RASA3: variants seen among roughly 807,000 people sequenced by gnomAD.
The protein encoded by RASA3 is RAS p21 protein activator 3.
A neutral mutation model predicts 110.0 loss-of-function variants in RASA3; 73 were observed. The ratio of observed to expected loss-of-function variants is 0.66; its 90% CI spans 0.55 to 0.81. The LOEUF (loss-of-function observed/expected upper bound fraction) is 0.81, where lower values mean the gene tolerates loss of function less well. RASA3 is among the 30% of genes least tolerant of loss of function. The pLI is 0.00. For synonymous variants in RASA3, 500 were observed against 451.4 expected, an observed-to-expected ratio of 1.11 and a Z score of -1.37; for missense variants, 976 against 1,113.2, an observed-to-expected ratio of 0.88 and a Z score of 1.75.
At chr13:114,058,169 T>A (rs1000669274) in intron 2 of RASA3, among the ~76,000 whole-genome samples, 2 of 150,556 alleles carry the variant, frequency 1.3e-5, no homozygotes, top group African/African-American at 4.9e-5. Flanking sequence ...GAATGGCAGG[T>A]TTGTACCTGC....
intron 1 of RASA3, among the ~76,000 whole-genome samples, chr13:114,074,990 A>G (rs2079643903): frequency 6.6e-6 from 1 of 152,156 alleles, no homozygotes; most frequent in Admixed American, 6.5e-5. Context: ...AAACGCCTCA[A>G]ACACACTCGC....
At chr13:114,041,125 G>A (rs372764736) in intron 3 of RASA3, 31 bp from the exon 4 acceptor site, 19 of 1,590,580 alleles carry the variant, frequency 1.2e-5, no homozygotes, top group Middle Eastern at 3.3e-4. Context: ...ACTTCACCAC[G>A]GGCACAGGCC....
At chr13:114,010,226 C>A (rs900985320) in intron 16 of RASA3, among the ~76,000 whole-genome samples, 3 of 152,166 alleles carry the variant, frequency 2.0e-5, no homozygotes, top group Non-Finnish European at 4.4e-5. Flanking sequence ...CCAGTGGGGG[C>A]CTCTGCTCCC....
At chr13:114,054,494 G>A (rs2079204508) in intron 2 of RASA3, among the ~76,000 whole-genome samples, 1 of 152,080 alleles carries the variant, frequency 6.6e-6, no homozygotes, top group African/African-American at 2.4e-5. Flanking sequence ...CAGGTGGGAG[G>A]GGTCCAGAGT....
At chr13:114,075,159 T>C (rs2079647503) in intron 1 of RASA3, among the ~76,000 whole-genome samples, 1 of 152,202 alleles carries the variant, frequency 6.6e-6, no homozygotes, top group South Asian at 2.1e-4. Flanking sequence ...CATCACCTTA[T>C]TCTTGTTGAA....
intron 4 of RASA3, among the ~76,000 whole-genome samples, chr13:114,039,630 C>G (rs1270099345): frequency 6.6e-6 from 1 of 152,244 alleles, no homozygotes; most frequent in African/African-American, 2.4e-5. Context: ...CAGACCAGGG[C>G]TCAGGGTGAC....
chr13:114,046,827 G>T (rs1483064053), intron 3 of RASA3, among the ~76,000 whole-genome samples: 1 of 152,220 alleles, frequency 6.6e-6, no homozygotes, highest in South Asian at 2.1e-4. Context: ...AGTCATCAAC[G>T]GAGGAAGGGT....
In RASA3 at chr13:114,027,437, C is replaced by T. The variant is rs764301513; in HGVS notation, c.555G>A (p.Val185=). The change falls in exon 7 of 24, where the codon GTG becomes GTA. Residue 185 remains valine (V), a synonymous_variant. Transcript: ENST00000334062. The part of the protein sequence containing the change: ...PFRSEAKKTK[V]KRKTNNPQFD... ...ACTGGGGATTGTTGGTCTTCCTCTT[C>T]ACTTTCGTCTTCTTTGCTTCTGATC... is the stretch of plus-strand genomic sequence containing the variant. 1 of 1,613,118 alleles carries T rather than the reference C, an allele frequency of 6.2e-7. No individual in the cohort carries two copies. Among genetic ancestry groups the T allele is most frequent in the East Asian group, 2.2e-5 (1 of 44,900 alleles).
At chr13:114,012,588 ACACACTC>A (rs1430691726) in intron 15 of RASA3, among the ~76,000 whole-genome samples, 1 of 134,114 alleles carries the variant, frequency 7.5e-6, no homozygotes, top group African/African-American at 2.9e-5. Context: ...CCCATTCCAC[ACACACTC>A]CTCATTCCAC....
intron 3 of RASA3, among the ~76,000 whole-genome samples, chr13:114,043,597 C>T (rs1024795014): frequency 3.9e-5 from 6 of 152,106 alleles, no homozygotes; most frequent in African/African-American, 1.2e-4. Context: ...ATACACAGGC[C>T]ATCTGGAGCT....
At chr13:114,111,845 A>T (rs2080224305) in intron 1 of RASA3, among the ~76,000 whole-genome samples, 1 of 152,204 alleles carries the variant, frequency 6.6e-6, no homozygotes, top group Non-Finnish European at 1.5e-5. Context: ...CCCCAGCTGC[A>T]ATTTGAGCAA....
intron 17 of RASA3, among the ~76,000 whole-genome samples, chr13:114,007,980 C>G (rs1403165373): frequency 8.8e-6 from 1 of 113,356 alleles, no homozygotes; most frequent in African/African-American, 3.7e-5. Context: ...CCCCACGCAC[C>G]GCGTTCCTGA....
intron 1 of RASA3, among the ~76,000 whole-genome samples, chr13:114,083,215 A>C (rs1216501597): frequency 4.6e-5 from 7 of 152,198 alleles, no homozygotes; most frequent in Non-Finnish European, 8.8e-5. Context: ...CATTGTCTTA[A>C]TTTTTTTGTG....
intron 1 of RASA3, among the ~76,000 whole-genome samples, chr13:114,116,402 C>T (rs1467912470): frequency 4.6e-5 from 7 of 151,974 alleles, no homozygotes; most frequent in South Asian, 2.1e-4. Context: ...CTGAGGAATC[C>T]GAAAGACTCC....
chr13:114,012,273 T>A (rs1301393037), intron 15 of RASA3, among the ~76,000 whole-genome samples: 2 of 151,874 alleles, frequency 1.3e-5, no homozygotes, highest in Non-Finnish European at 2.9e-5. Context: ...GTGAACCACC[T>A]GCAACGAGGA....
chr13:114,034,745 AC>A (rs1229265751), intron 4 of RASA3, among the ~76,000 whole-genome samples: 4 of 152,264 alleles, frequency 2.6e-5, no homozygotes, highest in Non-Finnish European at 5.9e-5. Context: ...AGATCAGAGA[AC>A]GCAAGACAAA....
intron 4 of RASA3, 115 bp downstream of exon 4, chr13:114,040,885 C>G: frequency 1.0e-6 from 1 of 956,380 alleles, no homozygotes. Context: ...CATCGTTATT[C>G]CCAGTCAAGG....
intron 8 of RASA3, among the ~76,000 whole-genome samples, chr13:114,021,879 T>A (rs1285355570): frequency 1.3e-5 from 2 of 151,912 alleles, no homozygotes; most frequent in Admixed American, 1.3e-4. Flanking sequence ...AGGAGCTACA[T>A]GACCCCAGGC....
At chr13:114,087,515 G>C (rs1475062230) in intron 1 of RASA3, among the ~76,000 whole-genome samples, 2 of 152,254 alleles carry the variant, frequency 1.3e-5, no homozygotes, top group Admixed American at 6.5e-5. Flanking sequence ...AGTTTCCAGA[G>C]CCGGCGGGAT....
Sources: gnomAD v4.1 joint callset for allele counts (sites outside exome capture counted in the v4.1 genomes callset) on GRCh38, gnomAD v4.1.1 for gene constraint, MANE v1.5 for transcripts, NCBI Gene and HGNC (gene_info 2026-07-23, HGNC 2026-07-21) for gene names.